The following CCDC7 variants were observed in gnomAD, a reference collection of about 807,000 sequenced individuals.
The protein encoded by CCDC7 is coiled-coil domain-containing protein 7.
A neutral mutation model predicts 196.9 loss-of-function variants in CCDC7; 183 were observed. That is an observed-to-expected ratio of 0.93 (90% CI 0.82 to 1.05). The LOEUF (loss-of-function observed/expected upper bound fraction) is 1.05, where lower values mean the gene tolerates loss of function less well. Ranked by LOEUF, CCDC7 falls within the 50% of genes least tolerant of loss-of-function variation. The probability of loss-of-function intolerance (pLI) is 0.00; values close to 1 mark genes in which losing one functional copy is unlikely to be tolerated. For missense variants in CCDC7, 1,540 were observed against 1,482.2 expected (o/e 1.04, Z -0.64); for synonymous variants, 525 against 484.6 (o/e 1.08, Z -1.10).
chr10:32,753,733 A>G (rs1425292790), intron 28 of CCDC7, among the ~76,000 whole-genome samples: 1 of 152,182 alleles, frequency 6.6e-6, no homozygotes. Flanking sequence ...GCTACCAGAA[A>G]TTCTTAAATT....
chr10:32,750,865 C>T (rs2075549861), intron 28 of CCDC7, among the ~76,000 whole-genome samples: 1 of 152,142 alleles, frequency 6.6e-6, no homozygotes, highest in Non-Finnish European at 1.5e-5. Flanking sequence ...CTATTAGAAT[C>T]CATAATATTT....
intron 18 of CCDC7, among the ~76,000 whole-genome samples, chr10:32,614,413 T>C (rs2062549332): frequency 6.6e-6 from 1 of 152,230 alleles, no homozygotes; most frequent in Non-Finnish European, 1.5e-5. Flanking sequence ...CCAGTCTGTG[T>C]CTTTTCATTG....
chr10:32,563,816 A>C (rs2056249008), intron 13 of CCDC7, among the ~76,000 whole-genome samples: 1 of 152,130 alleles, frequency 6.6e-6, no homozygotes, highest in South Asian at 2.1e-4. Context: ...TAATTAAACT[A>C]AAGAGCTTCT....
intron 13 of CCDC7, among the ~76,000 whole-genome samples, chr10:32,548,221 C>T (rs184429948): frequency 6.6e-4 from 100 of 152,180 alleles, no homozygotes; most frequent in Non-Finnish European, 7.1e-4. Flanking sequence ...CTGTGTTATT[C>T]CCCTATTGGC....
At chr10:32,750,007 A>G (rs2075412099) in intron 28 of CCDC7, among the ~76,000 whole-genome samples, 1 of 152,192 alleles carries the variant, frequency 6.6e-6, no homozygotes. Flanking sequence ...TTTGGTCAAA[A>G]CATATGTAAT....
chr10:32,528,683 T>C (rs569737538), intron 11 of CCDC7, among the ~76,000 whole-genome samples: 2 of 148,726 alleles, frequency 1.3e-5, no homozygotes, highest in African/African-American at 2.4e-5. Flanking sequence ...TATATATGCA[T>C]ATATATACAC....
At chr10:32,875,792 T>C (rs2094580405) in intron 41 of CCDC7, among the ~76,000 whole-genome samples, 1 of 152,048 alleles carries the variant, frequency 6.6e-6, no homozygotes, top group African/African-American at 2.4e-5. Flanking sequence ...TTGCTGTTAT[T>C]TCCTCCATGA....
chr10:32,506,317 C>T (rs372253250), intron 9 of CCDC7, among the ~76,000 whole-genome samples: 11 of 148,752 alleles, frequency 7.4e-5, no homozygotes, highest in African/African-American at 2.5e-4. Flanking sequence ...CAGAGACGCT[C>T]CTCACTTCCT....
At chr10:32,495,605 C>T (rs1013738121) in intron 9 of CCDC7, among the ~76,000 whole-genome samples, 1 of 152,094 alleles carries the variant, frequency 6.6e-6, no homozygotes, top group Non-Finnish European at 1.5e-5. Flanking sequence ...TAGTTTTCTG[C>T]CTATGGCTAG....
chr10:32,759,433 A>G (rs1280846176), intron 28 of CCDC7, among the ~76,000 whole-genome samples: 1 of 152,188 alleles, frequency 6.6e-6, no homozygotes, highest in African/African-American at 2.4e-5. Context: ...CCTCAGAAAT[A>G]ATGCCACATA....
chr10:32,870,549 C>G (rs1593672573), intron 41 of CCDC7, among the ~76,000 whole-genome samples: 1 of 152,122 alleles, frequency 6.6e-6, no homozygotes, highest in South Asian at 2.1e-4. Flanking sequence ...CAAACACGGA[C>G]AATTTGACTT....
rs187220867 is a variant in CCDC7 at position 32,667,729 on chromosome 10, T to C, written c.2122+3568T>C. ...CTCTGTTCTGTCCCATTGGTCCATA[T>C]CTCTGTTTTGGTACCAGCACCATGC... On this transcript the variant is annotated intron_variant, in intron 21 of 41. Transcript: ENST00000639629. Among the ~76,000 whole-genome samples, 650 of 152,286 alleles carry C rather than the reference T, an allele frequency of 4.3e-3. 2 individuals are homozygous for C. The highest frequency in any genetic ancestry group is 6.1e-3 in the Non-Finnish European group (417 of 68,036).
At chr10:32,683,251 G>A (rs2076064571) in intron 21 of CCDC7, among the ~76,000 whole-genome samples, 1 of 152,164 alleles carries the variant, frequency 6.6e-6, no homozygotes, top group Non-Finnish European at 1.5e-5. Context: ...TGAATAGAAA[G>A]TCCTTTCCCT....
rs555573652 is a variant in CCDC7 at position 32,810,050 on chromosome 10, A to G, written c.3098-4320A>G. On this transcript the variant is annotated intron_variant, in intron 30 of 41. Coordinates refer to ENST00000639629, the Ensembl canonical transcript of CCDC7. ...ACACCATGGATGTGGAAACACACAA[A>G]TGAGGAAGAAAAAGAACTCAAATGT... Among the ~76,000 whole-genome samples, 3 of 149,944 alleles carry G rather than the reference A, an allele frequency of 2.0e-5. No individual in the cohort carries two copies. The South Asian group carries it at 6.4e-4, about 32-fold the overall frequency.
At chr10:32,828,404 G>GAGAAGGAGAAGAAGAAGA (rs753882829) in intron 32 of CCDC7, among the ~76,000 whole-genome samples, 13 of 101,420 alleles carry the variant, frequency 1.3e-4, no homozygotes, top group African/African-American at 5.4e-4. Context: ...GAAGAAGAAG[G>GAGAAGGAGAAGAAGAAGA]AGAAGGAGAA....
At chr10:32,622,852 GATA>G (rs1438722978) in intron 18 of CCDC7, among the ~76,000 whole-genome samples, 1 of 152,044 alleles carries the variant, frequency 6.6e-6, no homozygotes, top group Non-Finnish European at 1.5e-5. Flanking sequence ...TTATTTCTAT[GATA>G]ATAAGTTTAA....
chr10:32,781,339 G>T (rs1363968269), intron 29 of CCDC7, among the ~76,000 whole-genome samples: 1 of 152,120 alleles, frequency 6.6e-6, no homozygotes, highest in African/African-American at 2.4e-5. Context: ...ACTAAAGTCA[G>T]AAATGCTATA....
intron 16 of CCDC7, among the ~76,000 whole-genome samples, chr10:32,573,730 T>C (rs2057862728): frequency 1.3e-5 from 2 of 152,156 alleles, no homozygotes; most frequent in South Asian, 2.1e-4. Context: ...AATGCCTTTT[T>C]CCCCCTAGAA....
At chr10:32,768,065 A>T (rs1260376575) in intron 28 of CCDC7, among the ~76,000 whole-genome samples, 5 of 152,116 alleles carry the variant, frequency 3.3e-5, no homozygotes, top group African/African-American at 1.2e-4. Flanking sequence ...AAATACAGAG[A>T]AGAAAAAAAT....
Sources: allele counts gnomAD v4.1 joint callset (sites outside exome capture counted in the v4.1 genomes callset), GRCh38; gene constraint gnomAD v4.1.1; transcripts MANE v1.5; gene names NCBI Gene and HGNC (gene_info 2026-07-23, HGNC 2026-07-21).